Variants in ZNF148 observed in about 807,000 individuals in gnomAD.
ZNF148 encodes Beta-Enolase Repressor Factor-1.
In ZNF148, 7 loss-of-function variants were observed where a neutral mutation model predicts 67.7. That is an observed-to-expected ratio of 0.10 (90% confidence interval 0.06 to 0.19). ZNF148 has a LOEUF of 0.19. Ranked by LOEUF, ZNF148 falls within the 10% of genes least tolerant of loss-of-function variation. ZNF148 has a pLI of 1.00. For synonymous variants in ZNF148, 333 were observed against 330.7 expected (o/e 1.01, Z -0.08); for missense variants, 583 against 947.1 (o/e 0.62, Z 5.05).
intron 3 of ZNF148, among the ~76,000 whole-genome samples, chr3:125,319,343 T>C (rs1403016298): frequency 2.0e-5 from 3 of 152,234 alleles, no homozygotes; most frequent in African/African-American, 7.2e-5. Flanking sequence ...TTAATACAAA[T>C]GTTTTTGACA....
At chr3:125,256,420 T>C (rs1937081435) in intron 7 of ZNF148, among the ~76,000 whole-genome samples, 2 of 150,086 alleles carry the variant, frequency 1.3e-5, no homozygotes, top group Admixed American at 1.3e-4. Flanking sequence ...CTCATGCCCG[T>C]AATCCCAGCA....
chr3:125,241,412 G>A (rs1347701059), intron 7 of ZNF148, among the ~76,000 whole-genome samples: 1 of 151,398 alleles, frequency 6.6e-6, no homozygotes, highest in Non-Finnish European at 1.5e-5. Context: ...CTGAGTAGCT[G>A]GGATTACAGG....
chr3:125,239,178 A>C (rs1484273223), intron 7 of ZNF148, among the ~76,000 whole-genome samples: 1 of 152,220 alleles, frequency 6.6e-6, no homozygotes, highest in Non-Finnish European at 1.5e-5. Flanking sequence ...TATGTACTTA[A>C]TGTCACTGAA....
chr3:125,339,356 TAA>T (rs544256967), intron 1 of ZNF148, among the ~76,000 whole-genome samples: 122 of 152,360 alleles, frequency 8.0e-4, no homozygotes, highest in African/African-American at 2.8e-3. Context: ...GAAAAATGTT[TAA>T]GAGTGCTAAA....
At chr3:125,277,293 G>A (rs948542081) in intron 7 of ZNF148, among the ~76,000 whole-genome samples, 1 of 152,066 alleles carries the variant, frequency 6.6e-6, no homozygotes, top group African/African-American at 2.4e-5. Context: ...TGAGAAATTG[G>A]CAGTTCTCAA....
chr3:125,294,979 C>G (rs989538459), intron 4 of ZNF148, among the ~76,000 whole-genome samples: 11 of 152,156 alleles, frequency 7.2e-5, no homozygotes, highest in African/African-American at 2.4e-4. Context: ...GATCAAATAC[C>G]TTTCAGTCCA....
In ZNF148 at chr3:125,228,732, TA is replaced by T. The variant is rs1486225790; in HGVS notation, c.*3608del. On this transcript the variant is annotated 3_prime_UTR_variant, in exon 9 of 9. Transcript: ENST00000360647. The stretch of plus-strand genomic sequence containing the variant: ...TAAACATCATAAAGGAAGACTCACA[TA>T]AAAGTCCTTGATTGTCAAGACACGT... 2.0e-5 allele frequency: 3 copies of T among 152,580 alleles called. No homozygotes were observed. The highest frequency in any genetic ancestry group is 2.0e-4 in the Admixed American group (3 of 15,264). The allele number at this position is 152,580 out of a possible 1,614,324, so 9.5% of individuals were successfully genotyped here. A position where few individuals can be genotyped will look rare whatever the true frequency, so the allele number is the denominator to read the frequency against.
intron 1 of ZNF148, among the ~76,000 whole-genome samples, chr3:125,364,981 G>C (rs543637300): frequency 2.0e-5 from 3 of 152,050 alleles, no homozygotes; most frequent in Non-Finnish European, 4.4e-5. Context: ...CCTTCTTCTA[G>C]GAAAGCCAAC....
intron 1 of ZNF148, chr3:125,344,357 A>T: frequency 1.7e-6 from 1 of 597,784 alleles, no homozygotes; most frequent in Non-Finnish European, 3.0e-6. Context: ...CCACTTCCAA[A>T]AGATGGAAAT....
chr3:125,366,703 T>A (rs980899193), intron 1 of ZNF148, among the ~76,000 whole-genome samples: 1 of 152,210 alleles, frequency 6.6e-6, no homozygotes, highest in Non-Finnish European at 1.5e-5. Context: ...AGGTCATAGT[T>A]TAAAAATTAA....
At chr3:125,365,134 T>G (rs892557339) in intron 1 of ZNF148, among the ~76,000 whole-genome samples, 2 of 152,274 alleles carry the variant, frequency 1.3e-5, no homozygotes, top group Non-Finnish European at 2.9e-5. Flanking sequence ...GATAAATTCC[T>G]GAAGAACACG....
intron 1 of ZNF148, chr3:125,344,560 C>G: frequency 1.0e-6 from 1 of 968,200 alleles, no homozygotes; most frequent in Non-Finnish European, 1.7e-6. Context: ...ATGACTTCCA[C>G]CTCCTCCTCC....
At chr3:125,239,563 G>C (rs957568514) in intron 7 of ZNF148, among the ~76,000 whole-genome samples, 6 of 152,080 alleles carry the variant, frequency 3.9e-5, no homozygotes, top group African/African-American at 1.4e-4. Context: ...CTCATACAAG[G>C]CTGGTAGAAC....
chr3:125,316,298 C>T (rs2107680025), intron 3 of ZNF148, among the ~76,000 whole-genome samples: 1 of 152,294 alleles, frequency 6.6e-6, no homozygotes, highest in East Asian at 1.9e-4. Flanking sequence ...AACAGTGCTG[C>T]AACAAATACA....
chr3:125,325,257 A>T (rs556296804), intron 2 of ZNF148, among the ~76,000 whole-genome samples: 58 of 152,270 alleles, frequency 3.8e-4, no homozygotes, highest in African/African-American at 1.3e-3. Context: ...CAACAGATTT[A>T]TGGCAAAAGA....
intron 7 of ZNF148, among the ~76,000 whole-genome samples, chr3:125,274,862 T>C (rs978427228): frequency 6.6e-6 from 1 of 152,178 alleles, no homozygotes; most frequent in Non-Finnish European, 1.5e-5. Context: ...GATAAAAATA[T>C]GGAAAATCTT....
chr3:125,242,981 G>T (rs578133254), intron 7 of ZNF148, among the ~76,000 whole-genome samples: 1 of 152,016 alleles, frequency 6.6e-6, no homozygotes, highest in African/African-American at 2.4e-5. Context: ...CATTCTTCTC[G>T]TTTGTCCTGC....
Position 125,363,863 on chromosome 3 carries a change from G to A in ZNF148, c.-234+11239C>T, listed in dbSNP as rs1003533463. ...AAGGTTTCGCCATGTTGCCTAGGCTGGTCTCAAACTCCTGAGCTCAAGCAA... is the reference window on the plus strand; with the variant it reads ...AAGGTTTCGCCATGTTGCCTAGGCTAGTCTCAAACTCCTGAGCTCAAGCAA... On this transcript the variant is annotated intron_variant, in intron 1 of 8. Coordinates refer to ENST00000360647, the MANE Select transcript of ZNF148 (RefSeq NM_021964.3). Among the ~76,000 whole-genome samples the A allele has an allele frequency of 9.9e-5, 15 of 151,806 alleles. No homozygotes were observed. In the South Asian group the frequency reaches 1.2e-3, roughly 13 times the overall value.
chr3:125,277,654 A>G lies in ZNF148; in HGVS notation c.667+72T>C, dbSNP rs966211213. 7.1e-5 allele frequency: 94 copies of G among 1,320,710 alleles called. 1 individual carries two copies. The Admixed American group carries it at 1.9e-3, about 26-fold the overall frequency. 81.8% of individuals were successfully genotyped at this position (1,320,710 alleles called of 1,614,324 possible). On this transcript the variant is annotated intron_variant, in intron 7 of 8. Transcript: ENST00000360647. ...ATGGAAATGGCAGCAAGTCACTGCC[A>G]CTTATTAAAAATTCTTCCCTCCATT...
Sources: gnomAD v4.1 joint callset for allele counts (sites outside exome capture counted in the v4.1 genomes callset) on GRCh38, gnomAD v4.1.1 for gene constraint, MANE v1.5 for transcripts, NCBI Gene and HGNC (gene_info 2026-07-23, HGNC 2026-07-21) for gene names.